The following TRMT1 variants were observed in gnomAD, a reference collection of about 807,000 sequenced individuals.
TRMT1 encodes tRNA methyltransferase 1, also known as tRNA (guanine(26)-N(2))-dimethyltransferase.
In TRMT1, 63 loss-of-function variants were observed where a neutral mutation model predicts 75.4. The ratio of observed to expected loss-of-function variants is 0.84; its 90% confidence interval spans 0.68 to 1.03. TRMT1 has a LOEUF of 1.03. Ranked by LOEUF, TRMT1 falls within the 50% of genes least tolerant of loss-of-function variation. The pLI is 0.00. For synonymous variants in TRMT1, 382 were observed against 358.1 expected, an observed-to-expected ratio of 1.07 and a Z score of -0.75; for missense variants, 870 against 905.3, an observed-to-expected ratio of 0.96 and a Z score of 0.50.
chr19:13,107,629 G>A lies in TRMT1; in HGVS notation c.1528C>T (p.Arg510Trp), dbSNP rs769822915. ...RCWEKECPVK[R>W]ERLSETSPAF... ...GGGCTAGTCTCTGATAGTCGCTCCCGTTTCACCGGACATTCCTTCTCCTGG... is the reference window on the plus strand; with the variant it reads ...GGGCTAGTCTCTGATAGTCGCTCCCATTTCACCGGACATTCCTTCTCCTGG... The change falls in exon 14 of 17, where the codon CGG (arginine) becomes TGG (tryptophan). Residue 510 changes from arginine to tryptophan, a missense_variant. Physicochemically the swap from Arg to Trp is moderately radical, Grantham distance 101. Transcript: ENST00000357720. 8.1e-6 allele frequency: 13 copies of A among 1,608,224 alleles called. No homozygotes were observed. Among genetic ancestry groups the A allele is most frequent in the African/African-American group, 2.7e-5 (2 of 74,928 alleles).
intron 5 of TRMT1, among the ~76,000 whole-genome samples, chr19:13,114,627 A>G (rs1432644569): frequency 1.3e-5 from 2 of 152,024 alleles, no homozygotes; most frequent in Non-Finnish European, 2.9e-5. Flanking sequence ...ACGCTAGTGC[A>G]CTCTAGCCTG....
Position 13,109,361 on chromosome 19 carries a change from C to T in TRMT1, c.1397+20G>A. ...CCCTGTGGTCTGGGACAGGCTCCTC[C>T]CGACCCCAGGGGCTCTTACCGCAAC... On this transcript the variant is annotated intron_variant, in intron 12 of 16. Transcript: ENST00000357720. 6.2e-7 allele frequency: 1 copy of T among 1,612,040 alleles called. No homozygotes were observed. Among genetic ancestry groups the T allele is most frequent in the South Asian group, 1.1e-5 (1 of 90,968 alleles).
chr19:13,109,527 C>A, intron 11 of TRMT1, 23 bp downstream of exon 11: 1 of 1,613,978 alleles, frequency 6.2e-7, no homozygotes, highest in Non-Finnish European at 8.5e-7. Context: ...GAGCCCCCTT[C>A]CCCGTCACAG....
chr19:13,115,122 C>T (rs1568374088), intron 5 of TRMT1, among the ~76,000 whole-genome samples, 157 bp downstream of exon 5: 1 of 152,148 alleles, frequency 6.6e-6, no homozygotes, highest in Non-Finnish European at 1.5e-5. Context: ...TCACAGCAAC[C>T]CCTGTAAAAC....
rs1266408034 is a variant in TRMT1 at position 13,107,918 on chromosome 19, C to T, written c.1398-59G>A. Reference sequence around the variant, plus strand: ...GGACTCCTTGACCCCAAAGCCCAAGCTGACCAGCGTAGGTAAGACTACCTT... The same window carrying T: ...GGACTCCTTGACCCCAAAGCCCAAGTTGACCAGCGTAGGTAAGACTACCTT... On this transcript the variant is annotated intron_variant, in intron 12 of 16. Coordinates refer to ENST00000357720, the MANE Select transcript of TRMT1 (RefSeq NM_001136035.4). 1.1e-5 allele frequency: 16 copies of T among 1,436,940 alleles called. No individual in the cohort carries two copies. In the South Asian group the frequency reaches 1.6e-4, roughly 14 times the overall value. 89.0% of individuals were successfully genotyped at this position (1,436,940 alleles called of 1,614,324 possible).
In TRMT1 at chr19:13,109,266, C is replaced by A. The variant is rs2019022132; in HGVS notation, c.1397+115G>T. 17 of 1,208,004 alleles carry A rather than the reference C, an allele frequency of 1.4e-5. No homozygotes were observed. The South Asian group carries it at 2.3e-4, about 16-fold the overall frequency. 74.8% of individuals were successfully genotyped at this position (1,208,004 alleles called of 1,614,324 possible). A position where few individuals can be genotyped will look rare whatever the true frequency, so the allele number is the denominator to read the frequency against. On this transcript the variant is annotated intron_variant, in intron 12 of 16. Transcript: ENST00000357720. The stretch of plus-strand genomic sequence containing the variant: ...AGGTACTGGGATTACAGGAATGAGA[C>A]AGTGCACCGGGTTCTCCCCACCCCC...
intron 14 of TRMT1, among the ~76,000 whole-genome samples, chr19:13,107,024 G>C (rs2018905778): frequency 7.3e-6 from 1 of 136,262 alleles, no homozygotes; most frequent in African/African-American, 2.8e-5. Flanking sequence ...TTTTAGTAGA[G>C]ACAGGGTTTC....
chr19:13,110,143 T>C lies in TRMT1; in HGVS notation c.1019+15A>G, dbSNP rs747357230. On this transcript the variant is annotated intron_variant, in intron 8 of 16. Transcript: ENST00000357720. The stretch of plus-strand genomic sequence containing the variant: ...CCTCTCTCAATCCACCACCGCTCTC[T>C]GCCCCCGGGCTGACCTGGCTGAGGC... The C allele has an allele frequency of 1.2e-6, 2 of 1,611,734 alleles. No individual in the cohort carries two copies. Among genetic ancestry groups the C allele is most frequent in the South Asian group, 1.1e-5 (1 of 90,966 alleles).
At chr19:13,113,100 T>C in intron 5 of TRMT1, 89 bp from the exon 6 acceptor site, 1 of 933,576 alleles carries the variant, frequency 1.1e-6, no homozygotes, top group Non-Finnish European at 1.5e-6. Context: ...GCACAGTGGT[T>C]TGGGTCTGAA....
chr19:13,115,481 A>G lies in TRMT1; in HGVS notation c.454-15T>C. On this transcript the variant is annotated splice_polypyrimidine_tract_variant and intron_variant, in intron 4 of 16. Transcript: ENST00000357720. ...TGCAGGCCTTCCTGTTGGAGTAAGC[A>G]GAAAACCTCCCTCACATCTCCACCT... 1.2e-6 allele frequency: 2 copies of G among 1,608,474 alleles called. No individual in the cohort carries two copies. Among genetic ancestry groups the G allele is most frequent in the Non-Finnish European group, 1.7e-6 (2 of 1,176,678 alleles).
rs57825932 is a variant in TRMT1, at chr19:13,109,085, G to GGTGTGT, written c.1397+290_1397+295dup. On this transcript the variant is annotated intron_variant, in intron 12 of 16. Coordinates refer to ENST00000357720, the MANE Select transcript of TRMT1 (RefSeq NM_001136035.4). ...CATGTATCACCATGCCAGGCTAATGGGTGTGTGTGTGTGTGTGTGTGTGTA... is the reference window on the plus strand; with the variant it reads ...CATGTATCACCATGCCAGGCTAATGGGTGTGTGTGTGTGTGTGTGTGTGTGTGTGTA... Among the ~76,000 whole-genome samples the GGTGTGT allele has an allele frequency of 4.1e-4, 61 of 147,360 alleles. 1 individual carries two copies. The highest frequency in any genetic ancestry group is 6.2e-4 in the African/African-American group (25 of 40,238).
chr19:13,112,869 C>A (rs753243419), intron 6 of TRMT1, 27 bp downstream of exon 6: 2 of 1,612,948 alleles, frequency 1.2e-6, no homozygotes, highest in Non-Finnish European at 8.5e-7. Flanking sequence ...AAGCCCTGCT[C>A]CCACCCCAGT....
chr19:13,110,678 G>GGGGCCT (rs1439188781), intron 7 of TRMT1, among the ~76,000 whole-genome samples: 1 of 152,192 alleles, frequency 6.6e-6, no homozygotes, highest in African/African-American at 2.4e-5. Context: ...TAGAACTGCT[G>GGGGCCT]GGGCCTGGGC....
At chr19:13,107,182 T>G (rs1273782283) in intron 14 of TRMT1, among the ~76,000 whole-genome samples, 1 of 151,472 alleles carries the variant, frequency 6.6e-6, no homozygotes, top group Non-Finnish European at 1.5e-5. Flanking sequence ...TCGCCCAGGC[T>G]GGAGTGCAAT....
intron 12 of TRMT1, 91 bp from the exon 13 acceptor site, chr19:13,107,950 G>T: frequency 1.1e-6 from 1 of 923,338 alleles, no homozygotes; most frequent in Non-Finnish European, 1.7e-6. Flanking sequence ...CCTTCGGCAA[G>T]GGCTCATGGC....
chr19:13,109,660 G>A lies in TRMT1; in HGVS notation c.1201C>T (p.Pro401Ser), dbSNP rs375036527. The A allele has an allele frequency of 6.8e-6, 11 of 1,613,890 alleles. No homozygotes were observed. In the African/African-American group the frequency reaches 1.1e-4, roughly 16 times the overall value. Residue 401 changes from proline (P) to serine (S), a missense_variant, in exon 11 of 17, where the codon CCC becomes TCC. By Grantham distance (74) the Pro-to-Ser change is moderately conservative. Transcript: ENST00000357720. ...HQLGGPMWAE[P>S]IHDLDFVGRV... is the part of the protein sequence containing the mutation. ...CCCACAAAATCCAGGTCATGGATGG[G>A]CTCTGCCCACATGGGGCCACCAAGC...
rs537777799 is a variant in TRMT1 at position 13,108,190 on chromosome 19, C to A, written c.1398-331G>T. ...ATTTTTAGTAGAGACAGGGTTTCACCATGTTGGCCAGGATGGTCTCGATCT... is the reference window on the plus strand; with the variant it reads ...ATTTTTAGTAGAGACAGGGTTTCACAATGTTGGCCAGGATGGTCTCGATCT... On this transcript the variant is annotated intron_variant, in intron 12 of 16. Transcript: ENST00000357720. Among the ~76,000 whole-genome samples, 6 of 151,922 alleles carry A rather than the reference C, an allele frequency of 3.9e-5. No homozygotes were observed. The East Asian group carries it at 1.2e-3, about 29-fold the overall frequency.
At chr19:13,116,457 CAG>C (rs2019367357) in intron 1 of TRMT1, 26 bp from the exon 2 acceptor site, 23 of 1,543,720 alleles carry the variant, frequency 1.5e-5, no homozygotes, top group Middle Eastern at 2.1e-4. Context: ...GGGGAGGGCA[CAG>C]AGAGGGTCAG....
Position 13,110,318 on chromosome 19 carries a change from G to C in TRMT1, c.871-12C>G. On this transcript the variant is annotated splice_polypyrimidine_tract_variant and intron_variant, in intron 7 of 16. Transcript: ENST00000357720. ...ACGATTCTCAGGGCCTGGGGGTGGGGGGTGGGTGTCAGCCTCCCCTCCACT... is the reference window on the plus strand; with the variant it reads ...ACGATTCTCAGGGCCTGGGGGTGGGCGGTGGGTGTCAGCCTCCCCTCCACT... 1 of 799,046 alleles carries C rather than the reference G, an allele frequency of 1.3e-6. No homozygotes were observed. The highest frequency in any genetic ancestry group is 2.6e-4 in the Middle Eastern group (1 of 3,914). 49.5% of individuals were successfully genotyped at this position (799,046 alleles called of 1,614,324 possible). A position where few individuals can be genotyped will look rare whatever the true frequency, so the allele number is the denominator to read the frequency against.
Sources: gnomAD v4.1 joint callset for allele counts (sites outside exome capture counted in the v4.1 genomes callset) on GRCh38, gnomAD v4.1.1 for gene constraint, MANE v1.5 for transcripts, NCBI Gene and HGNC (gene_info 2026-07-23, HGNC 2026-07-21) for gene names.